Variants in BLTP1 observed in about 807,000 individuals in gnomAD.
BLTP1 encodes the protein fragile site-associated protein.
the BLTP1 span, among the ~76,000 whole-genome samples, chr4:122,215,910 C>G: frequency 6.6e-6 from 1 of 151,636 alleles, no homozygotes; most frequent in Non-Finnish European, 1.5e-5. Flanking sequence ...ATAGCTTATC[C>G]CCCACTTATG....
At chr4:122,308,086 G>A in the BLTP1 span, 61 of 1,613,354 alleles carry the variant, frequency 3.8e-5, no homozygotes, top group Non-Finnish European at 2.4e-5. Flanking sequence ...ATCAGCCCAG[G>A]CCTTTGGGAC....
chr4:122,277,389 C>G, the BLTP1 span: 1 of 920,946 alleles, frequency 1.1e-6, no homozygotes, highest in African/African-American at 1.8e-5. Flanking sequence ...AACACTACTT[C>G]ATTATGGCTT....
At chr4:122,229,977 T>C in the BLTP1 span, 2 of 1,614,040 alleles carry the variant, frequency 1.2e-6, no homozygotes, top group Non-Finnish European at 1.7e-6. Flanking sequence ...AATCAATCGG[T>C]TGGGGAAGGA....
chr4:122,221,712 G>T, the BLTP1 span: 1 of 761,972 alleles, frequency 1.3e-6, no homozygotes, highest in Admixed American at 6.3e-5. Context: ...TAATTAGCAG[G>T]TCATTAGAAT....
At chr4:122,347,664 G>C in the BLTP1 span, 2 of 1,613,680 alleles carry the variant, frequency 1.2e-6, no homozygotes, top group East Asian at 2.2e-5. Flanking sequence ...CACCTAATGT[G>C]TTCAATGAGC....
the BLTP1 span, chr4:122,346,910 A>T: frequency 1.5e-6 from 2 of 1,369,350 alleles, no homozygotes; most frequent in Non-Finnish European, 9.6e-7. Context: ...TATGCCAACC[A>T]CAAGGGATAT....
At chr4:122,216,738 C>A in the BLTP1 span, among the ~76,000 whole-genome samples, 1 of 152,050 alleles carries the variant, frequency 6.6e-6, no homozygotes, top group Non-Finnish European at 1.5e-5. Context: ...CTGATTATTT[C>A]TTTTGCTGTG....
the BLTP1 span, chr4:122,248,237 G>A: frequency 1.1e-5 from 5 of 459,154 alleles, no homozygotes; most frequent in African/African-American, 1.1e-4. Context: ...GTGGTGGCTT[G>A]AGTGAAGACA....
chr4:122,161,826 G>A, the BLTP1 span, among the ~76,000 whole-genome samples: 110 of 152,256 alleles, frequency 7.2e-4, no homozygotes, highest in Middle Eastern at 0.024. Context: ...AGCTCATAAT[G>A]ATGTATTTTT....
the BLTP1 span, among the ~76,000 whole-genome samples, chr4:122,358,074 AT>A: frequency 6.6e-6 from 1 of 152,222 alleles, no homozygotes; most frequent in Admixed American, 6.5e-5. Flanking sequence ...AATCTTGTAT[AT>A]TATATATAAG....
the BLTP1 span, among the ~76,000 whole-genome samples, chr4:122,160,778 A>T: frequency 1.3e-5 from 2 of 152,310 alleles, no homozygotes; most frequent in African/African-American, 4.8e-5. Flanking sequence ...GTTCAGGCAG[A>T]TCTTTTGTTT....
At chr4:122,176,192 A>G in the BLTP1 span, among the ~76,000 whole-genome samples, 1 of 152,038 alleles carries the variant, frequency 6.6e-6, no homozygotes, top group South Asian at 2.1e-4. Flanking sequence ...AATCCCAGCT[A>G]TTCAGGAGGC....
the BLTP1 span, among the ~76,000 whole-genome samples, chr4:122,216,701 C>T: frequency 6.6e-6 from 1 of 152,034 alleles, no homozygotes; most frequent in Non-Finnish European, 1.5e-5. Context: ...GATTTTCTTC[C>T]ACTCTGTGGG....
At chr4:122,321,979 A>ATTTTTTTTTTTTTTTTTTTTTTTTTTT in the BLTP1 span, among the ~76,000 whole-genome samples, 22 of 27,020 alleles carry the variant, frequency 8.1e-4, 5 homozygotes, top group African/African-American at 1.5e-3. Context: ...ACTACATGTA[A>ATTTTTTTTTTTTTTTTTTTTTTTTTTT]TTTTTTTTTT....
chr4:122,253,132 A>G, the BLTP1 span, among the ~76,000 whole-genome samples: 1 of 152,138 alleles, frequency 6.6e-6, no homozygotes, highest in Non-Finnish European at 1.5e-5. Context: ...CTGACCAGAA[A>G]CTTATAACAC....
the BLTP1 span, chr4:122,331,604 C>T: frequency 1.3e-6 from 2 of 1,512,628 alleles, no homozygotes; most frequent in South Asian, 2.6e-5. Flanking sequence ...ATTCATATAT[C>T]ACTGAATTAT....
the BLTP1 span, chr4:122,267,020 G>T: frequency 3.2e-5 from 19 of 600,680 alleles, no homozygotes; most frequent in Middle Eastern, 3.0e-4. Context: ...GTTTTTTAAC[G>T]TTACTTTCGT....
chr4:122,331,682 G>A, the BLTP1 span: 2 of 1,410,498 alleles, frequency 1.4e-6, no homozygotes, highest in Middle Eastern at 2.6e-4. Context: ...ATGGTCAAGT[G>A]TATATTTCTT....
At chr4:122,189,108 T>C in the BLTP1 span, 1 of 952,650 alleles carries the variant, frequency 1.0e-6, no homozygotes, top group Non-Finnish European at 1.2e-6. Flanking sequence ...TTATAGAGAG[T>C]AAGATGAAAA....
Sources: gnomAD v4.1 joint callset for allele counts (sites outside exome capture counted in the v4.1 genomes callset) on GRCh38, gnomAD v4.1.1 for gene constraint, MANE v1.5 for transcripts, NCBI Gene and HGNC (gene_info 2026-07-23, HGNC 2026-07-21) for gene names.